The following RIN3 variants were observed in gnomAD, a reference collection of about 807,000 sequenced individuals.
RIN3 encodes the protein Ras and Rab interactor 3, also known as RAB5 interacting protein 3.
A neutral mutation model predicts 76.3 loss-of-function variants in RIN3; 54 were observed. The observed-to-expected ratio is 0.71, with a 90% confidence interval of 0.57 to 0.89. RIN3 has a LOEUF of 0.89. RIN3 is among the 40% of genes least tolerant of loss of function. The probability of loss-of-function intolerance (pLI) is 0.00; values close to 1 mark genes in which losing one functional copy is unlikely to be tolerated. For synonymous variants in RIN3, 576 were observed against 564.0 expected, an observed-to-expected ratio of 1.02 and a Z score of -0.30; for missense variants, 1,256 against 1,322.1, an observed-to-expected ratio of 0.95 and a Z score of 0.78.
chr14:92,682,833 A>C (rs1353367589), intron 8 of RIN3, among the ~76,000 whole-genome samples: 1 of 152,134 alleles, frequency 6.6e-6, no homozygotes, highest in Non-Finnish European at 1.5e-5. Context: ...GGCAGACGCG[A>C]TTTGAGTGGG....
chr14:92,579,604 C>T (rs1208807371), intron 3 of RIN3, among the ~76,000 whole-genome samples: 8 of 152,358 alleles, frequency 5.3e-5, no homozygotes, highest in African/African-American at 1.9e-4. Context: ...ATGGATCCAT[C>T]TCTTGTAAAT....
In RIN3 at chr14:92,688,547, C is replaced by T; in HGVS notation, c.*295C>T. On this transcript the variant is annotated 3_prime_UTR_variant, in exon 10 of 10. Transcript: ENST00000216487. The stretch of plus-strand genomic sequence containing the variant: ...GGCCGCTGCAGCCAACAAACCGGCG[C>T]CCTCTTCACACGTAGCTCCTCAGGC... 2.1e-6 allele frequency: 1 copy of T among 468,262 alleles called. No individual in the cohort carries two copies. Among genetic ancestry groups the T allele is most frequent in the South Asian group, 2.9e-5 (1 of 34,202 alleles). The allele number at this position is 468,262 out of a possible 1,614,324, so 29.0% of individuals were successfully genotyped here.
In RIN3 at chr14:92,615,388, C is replaced by T. The variant is rs760892630; in HGVS notation, c.368-19C>T. On this transcript the variant is annotated intron_variant, in intron 3 of 9. Coordinates refer to ENST00000216487, the MANE Select transcript of RIN3 (RefSeq NM_024832.5). ...GCAGGATACTCACCTCACCCAGGGC[C>T]CTTCTTGTGTCTCCCCAGTATTGTA... is the stretch of plus-strand genomic sequence containing the variant. 6.2e-7 allele frequency: 1 copy of T among 1,612,136 alleles called. No individual in the cohort carries two copies. Among genetic ancestry groups the T allele is most frequent in the South Asian group, 1.1e-5 (1 of 91,030 alleles).
rs975994591 is a variant in RIN3, at chr14:92,676,401, C to T, written c.2336-74C>T. ...CATCCACACTCAGCAAACCACTGTC[C>T]CCTACCCTGGGCAGAGAGCATCTCA... On this transcript the variant is annotated intron_variant, in intron 7 of 9. Transcript: ENST00000216487. 8 of 1,556,336 alleles carry T rather than the reference C, an allele frequency of 5.1e-6. No homozygotes were observed. The African/African-American group carries it at 5.4e-5, about 11-fold the overall frequency.
At chr14:92,555,552 G>A (rs1897552388) in intron 1 of RIN3, among the ~76,000 whole-genome samples, 199 bp from the exon 2 acceptor site, 1 of 152,140 alleles carries the variant, frequency 6.6e-6, no homozygotes, top group Non-Finnish European at 1.5e-5. Context: ...CTCACATCCT[G>A]GGTCGGGTGG....
intron 1 of RIN3, among the ~76,000 whole-genome samples, chr14:92,519,371 T>C (rs1896530253): frequency 6.6e-6 from 1 of 152,224 alleles, no homozygotes; most frequent in South Asian, 2.1e-4. Context: ...GCAGGACCCA[T>C]GGCTCCTTGC....
intron 2 of RIN3, among the ~76,000 whole-genome samples, chr14:92,571,372 T>C (rs1343078421): frequency 6.6e-6 from 1 of 152,226 alleles, no homozygotes; most frequent in Non-Finnish European, 1.5e-5. Flanking sequence ...TGCTGTTTGG[T>C]CTTCAATATT....
intron 4 of RIN3, among the ~76,000 whole-genome samples, chr14:92,629,349 A>G (rs769219389): frequency 4.6e-5 from 7 of 152,208 alleles, no homozygotes; most frequent in Non-Finnish European, 7.3e-5. Flanking sequence ...ACAAGGAAGG[A>G]ATGAAGGGGT....
intron 2 of RIN3, among the ~76,000 whole-genome samples, chr14:92,566,600 G>A (rs893074262): frequency 6.6e-6 from 1 of 152,178 alleles, no homozygotes; most frequent in East Asian, 1.9e-4. Flanking sequence ...TAGCAAGGAG[G>A]GGGAGAGGGG....
chr14:92,595,436 T>C (rs529387467), intron 3 of RIN3, among the ~76,000 whole-genome samples: 1 of 152,338 alleles, frequency 6.6e-6, no homozygotes, highest in South Asian at 2.1e-4. Context: ...ATAGAGGACT[T>C]CTAAAGAGAT....
chr14:92,668,090 A>G (rs1319210780), intron 7 of RIN3, among the ~76,000 whole-genome samples: 3 of 152,150 alleles, frequency 2.0e-5, no homozygotes, highest in African/African-American at 7.2e-5. Flanking sequence ...TTGTCATGTC[A>G]TCCTCACAAC....
chr14:92,549,488 C>T lies in RIN3; in HGVS notation c.45-6263C>T, dbSNP rs770618225. On this transcript the variant is annotated intron_variant, in intron 1 of 9. Transcript: ENST00000216487. ...ACACACCCCAAGCTGCCATGCTCACCACTCTGTCCCCACATTTGGTCAGCT... is the reference window on the plus strand; with the variant it reads ...ACACACCCCAAGCTGCCATGCTCACTACTCTGTCCCCACATTTGGTCAGCT... Among the ~76,000 whole-genome samples, 184 of 152,354 alleles carry T rather than the reference C, an allele frequency of 1.2e-3. 2 individuals carry two copies. Among genetic ancestry groups the T allele is most frequent in the Middle Eastern group, 3.4e-3 (1 of 294 alleles).
At chr14:92,642,062 T>G (rs563603683) in intron 5 of RIN3, among the ~76,000 whole-genome samples, 34 of 152,212 alleles carry the variant, frequency 2.2e-4, no homozygotes, top group African/African-American at 7.9e-4. Context: ...CCTCTTTCAG[T>G]GTGTGTTGGG....
At position 92,604,037 on chromosome 14, in the gene RIN3, G is replaced by A. The variant is rs944663540; in HGVS notation, c.368-11370G>A. ...AGTGGTGGTTCCCATGGCAACTGCGGTGTTGCTGGGCAGCCGTGGACCCTG... is the reference window on the plus strand; with the variant it reads ...AGTGGTGGTTCCCATGGCAACTGCGATGTTGCTGGGCAGCCGTGGACCCTG... On this transcript the variant is annotated intron_variant, in intron 3 of 9. Transcript: ENST00000216487. 2.6e-5 allele frequency among the ~76,000 whole-genome samples: 4 copies of A among 152,378 alleles called. No homozygotes were observed. In the East Asian group the frequency reaches 7.7e-4, roughly 29 times the overall value.
In RIN3 at chr14:92,558,887, C is replaced by CTTTTTTT. The variant is rs61202055; in HGVS notation, c.249+2942_249+2948dup. Among the ~76,000 whole-genome samples the CTTTTTTT allele has an allele frequency of 7.9e-4, 103 of 130,622 alleles. 1 individual carries two copies. Among genetic ancestry groups the CTTTTTTT allele is most frequent in the Non-Finnish European group, 1.1e-3 (69 of 62,960 alleles). 85.7% of individuals were successfully genotyped at this position (130,622 alleles called of 152,430 possible). A position where few individuals can be genotyped will look rare whatever the true frequency, so the allele number is the denominator to read the frequency against. On this transcript the variant is annotated intron_variant, in intron 2 of 9. Coordinates refer to ENST00000216487, the MANE Select transcript of RIN3 (RefSeq NM_024832.5). ...TTCCTTTTGTTTTTTCTTTTCTTTT[C>CTTTTTTT]TTTTTTTTTTTTTTTTGGTGAGACA...
At chr14:92,635,553 T>C (rs182386727) in intron 4 of RIN3, among the ~76,000 whole-genome samples, 2 of 152,272 alleles carry the variant, frequency 1.3e-5, no homozygotes, top group East Asian at 1.9e-4. Context: ...ATGTATTCAA[T>C]AGAAATACTA....
intron 1 of RIN3, among the ~76,000 whole-genome samples, chr14:92,539,055 C>T (rs981912570): frequency 6.6e-6 from 1 of 152,072 alleles, no homozygotes; most frequent in African/African-American, 2.4e-5. Flanking sequence ...AGGGCCTGCC[C>T]GTTGCTCTTG....
intron 4 of RIN3, among the ~76,000 whole-genome samples, chr14:92,640,153 G>A (rs1311908601): frequency 7.7e-6 from 1 of 129,338 alleles, no homozygotes; most frequent in Non-Finnish European, 1.6e-5. Flanking sequence ...TGTGTTCATC[G>A]GGGGCTGCCT....
intron 3 of RIN3, among the ~76,000 whole-genome samples, chr14:92,599,665 A>G (rs1885277041): frequency 6.6e-6 from 1 of 152,142 alleles, no homozygotes; most frequent in Non-Finnish European, 1.5e-5. Flanking sequence ...TCTGGAGGGA[A>G]GGAAGAGTGC....
Sources: gnomAD v4.1 joint callset for allele counts (sites outside exome capture counted in the v4.1 genomes callset) on GRCh38, gnomAD v4.1.1 for gene constraint, MANE v1.5 for transcripts, NCBI Gene and HGNC (gene_info 2026-07-23, HGNC 2026-07-21) for gene names.